SLC9A9: variants seen among roughly 807,000 people sequenced by gnomAD.
The protein encoded by SLC9A9 is solute carrier family 9 member A9, also known as sodium/hydrogen exchanger 9.
In SLC9A9, 62 loss-of-function variants were observed where a neutral mutation model predicts 77.8. That is an observed-to-expected ratio of 0.80 (90% CI 0.65 to 0.98). The LOEUF (loss-of-function observed/expected upper bound fraction) is 0.98, where lower values mean the gene tolerates loss of function less well. Among genes scored for constraint, SLC9A9 ranks in the 50% least tolerant of loss-of-function variants. The probability of loss-of-function intolerance (pLI) is 0.00; values close to 1 mark genes in which losing one functional copy is unlikely to be tolerated. For missense variants in SLC9A9, 775 were observed against 774.9 expected (o/e 1.00, Z 0.00); for synonymous variants, 320 against 283.5 (o/e 1.13, Z -1.29).
chr3:143,359,460 C>G (rs987934890), intron 14 of SLC9A9, among the ~76,000 whole-genome samples: 6 of 152,036 alleles, frequency 3.9e-5, no homozygotes, highest in African/African-American at 1.4e-4. Flanking sequence ...CCAGGGAGGT[C>G]TCACTGATGA....
intron 5 of SLC9A9, among the ~76,000 whole-genome samples, chr3:143,652,778 T>TACACACACACACACACACACACAC: frequency 1.2e-5 from 1 of 82,436 alleles, no homozygotes; most frequent in African/African-American, 4.3e-5. Context: ...ATTCCTTAAA[T>TACACACACACACACACACACACAC]ACACACACAC....
chr3:143,650,868 T>C (rs1272915635), intron 6 of SLC9A9, among the ~76,000 whole-genome samples: 2 of 152,212 alleles, frequency 1.3e-5, no homozygotes, highest in African/African-American at 2.4e-5. Context: ...GCTCCCAGGT[T>C]GGTGCTCAAC....
At chr3:143,436,261 T>C (rs1576495712) in intron 12 of SLC9A9, among the ~76,000 whole-genome samples, 1 of 152,148 alleles carries the variant, frequency 6.6e-6, no homozygotes, top group Non-Finnish European at 1.5e-5. Flanking sequence ...GCTGGCAGGG[T>C]CACCGCATGA....
intron 12 of SLC9A9, among the ~76,000 whole-genome samples, chr3:143,428,149 T>G (rs1167364921): frequency 6.6e-6 from 1 of 152,080 alleles, no homozygotes; most frequent in Non-Finnish European, 1.5e-5. Flanking sequence ...ACCTAGAGAC[T>G]GGGAGGAAGT....
At chr3:143,705,000 T>TATCTATCTATC (rs764988665) in intron 4 of SLC9A9, among the ~76,000 whole-genome samples, 989 of 86,214 alleles carry the variant, frequency 0.011, 11 homozygotes, top group Middle Eastern at 0.029. Context: ...CTCAAATATC[T>TATCTATCTATC]ATCTATCTAT....
chr3:143,839,700 G>GA (rs1257366953), intron 1 of SLC9A9, among the ~76,000 whole-genome samples: 1 of 152,130 alleles, frequency 6.6e-6, no homozygotes, highest in Admixed American at 6.5e-5. Context: ...CTTTTCTTTA[G>GA]AAACTATCTC....
At chr3:143,594,242 T>G (rs2037713101) in intron 6 of SLC9A9, among the ~76,000 whole-genome samples, 1 of 152,218 alleles carries the variant, frequency 6.6e-6, no homozygotes, top group South Asian at 2.1e-4. Context: ...AGCTTAATTT[T>G]AGAGTCTTAA....
intron 13 of SLC9A9, among the ~76,000 whole-genome samples, chr3:143,363,819 T>C (rs1372325080): frequency 6.6e-6 from 1 of 152,198 alleles, no homozygotes; most frequent in Non-Finnish European, 1.5e-5. Flanking sequence ...TAAGAAATGC[T>C]ATTTTGACAT....
At chr3:143,711,549 GC>G (rs1934194292) in intron 4 of SLC9A9, among the ~76,000 whole-genome samples, 1 of 150,520 alleles carries the variant, frequency 6.6e-6, no homozygotes, top group Admixed American at 6.6e-5. Flanking sequence ...ACAGGTGAGT[GC>G]CACCACACCT....
chr3:143,613,155 G>T (rs1304320612), intron 6 of SLC9A9, among the ~76,000 whole-genome samples: 4 of 152,190 alleles, frequency 2.6e-5, no homozygotes, highest in African/African-American at 9.7e-5. Context: ...CCATCTTTAT[G>T]CTGGGCTATG....
chr3:143,651,902 A>C (rs774026001), intron 6 of SLC9A9, among the ~76,000 whole-genome samples: 2 of 152,230 alleles, frequency 1.3e-5, no homozygotes, highest in Non-Finnish European at 2.9e-5. Flanking sequence ...CTATTAGACT[A>C]TTATCTGGAA....
chr3:143,747,055 C>T (rs534857008), intron 4 of SLC9A9, among the ~76,000 whole-genome samples: 76 of 152,148 alleles, frequency 5.0e-4, no homozygotes, highest in African/African-American at 1.8e-3. Flanking sequence ...ACAATGGGCC[C>T]ACAAAGATAT....
rs114236798 is a variant in SLC9A9, at chr3:143,711,003, T to C, written c.534-17696A>G. On this transcript the variant is annotated intron_variant, in intron 4 of 15. Coordinates refer to ENST00000316549, the MANE Select transcript of SLC9A9 (RefSeq NM_173653.4). Reference sequence around the variant, plus strand: ...TGCTTTAAACATATTTAACTCAAATTAGGATGTTACACTATTTACTCTTTG... The same window carrying C: ...TGCTTTAAACATATTTAACTCAAATCAGGATGTTACACTATTTACTCTTTG... Among the ~76,000 whole-genome samples the C allele has an allele frequency of 6.0e-3, 912 of 152,328 alleles. 13 individuals are homozygous for C. The highest frequency in any genetic ancestry group is 0.021 in the African/African-American group (860 of 41,574).
At chr3:143,586,123 C>T (rs755676991) in intron 6 of SLC9A9, among the ~76,000 whole-genome samples, 14 of 152,370 alleles carry the variant, frequency 9.2e-5, no homozygotes, top group South Asian at 2.1e-4. Context: ...TTCCCCACCC[C>T]GTCATACACA....
chr3:143,316,142 C>T (rs941252163), intron 14 of SLC9A9, among the ~76,000 whole-genome samples: 3 of 152,068 alleles, frequency 2.0e-5, no homozygotes, highest in African/African-American at 7.2e-5. Flanking sequence ...AAGAAACGGC[C>T]CAGGCAGAAA....
intron 14 of SLC9A9, among the ~76,000 whole-genome samples, chr3:143,299,647 G>T (rs1421717175): frequency 6.6e-6 from 1 of 152,146 alleles, no homozygotes; most frequent in Non-Finnish European, 1.5e-5. Context: ...GTTTCACCGT[G>T]TTAGCCAGGA....
chr3:143,467,015 T>A, intron 12 of SLC9A9, 22 bp downstream of exon 12: 1 of 1,611,098 alleles, frequency 6.2e-7, no homozygotes, highest in Non-Finnish European at 8.5e-7. Flanking sequence ...AATGATTTCC[T>A]TTGCTAGACG....
chr3:143,430,830 G>A (rs1298511338), intron 12 of SLC9A9, among the ~76,000 whole-genome samples: 1 of 152,160 alleles, frequency 6.6e-6, no homozygotes, highest in African/African-American at 2.4e-5. Flanking sequence ...GTTGGGTAGG[G>A]TTTCTAGGAG....
intron 4 of SLC9A9, among the ~76,000 whole-genome samples, chr3:143,731,106 G>A (rs777977212): frequency 8.5e-5 from 13 of 152,128 alleles, no homozygotes; most frequent in Non-Finnish European, 1.6e-4. Context: ...AAGCCCTCAA[G>A]AGACATCCCC....
Sources: allele counts gnomAD v4.1 joint callset (sites outside exome capture counted in the v4.1 genomes callset), GRCh38; gene constraint gnomAD v4.1.1; transcripts MANE v1.5; gene names NCBI Gene and HGNC (gene_info 2026-07-23, HGNC 2026-07-21).